Variants in SLC44A2 observed in about 807,000 individuals in gnomAD.
The protein encoded by SLC44A2 is solute carrier family 44 member 2 (CTL2 blood group), also known as choline transporter-like protein 2.
In SLC44A2, 57 loss-of-function variants were observed where a neutral mutation model predicts 90.8. The ratio of observed to expected loss-of-function variants is 0.63; its 90% CI spans 0.51 to 0.78. The LOEUF is 0.78. Ranked by LOEUF, SLC44A2 falls within the 30% of genes least tolerant of loss-of-function variation. The pLI is 0.00. For missense variants in SLC44A2, 794 were observed against 919.7 expected, an observed-to-expected ratio of 0.86 and a Z score of 1.77; for synonymous variants, 355 against 360.7, an observed-to-expected ratio of 0.98 and a Z score of 0.18.
intron 20 of SLC44A2, among the ~76,000 whole-genome samples, chr19:10,639,963 A>G (rs2067097751): frequency 2.0e-5 from 3 of 151,740 alleles, no homozygotes; most frequent in Non-Finnish European, 2.9e-5. Flanking sequence ...GCAGTATTGT[A>G]TCTCAGTGTA....
At chr19:10,633,085 G>T (rs2067014962) in intron 10 of SLC44A2, among the ~76,000 whole-genome samples, 3 of 152,152 alleles carry the variant, frequency 2.0e-5, no homozygotes, top group South Asian at 2.1e-4. Context: ...TTTAGTTCAG[G>T]CCTGTGGAAT....
chr19:10,602,545 G>A, exon 1 of SLC44A2: 2 of 1,281,082 alleles, frequency 1.6e-6, no homozygotes, highest in Non-Finnish European at 2.0e-6. Context: ...AGGACGAGCG[G>A]AAAAACGGAG....
intron 1 of SLC44A2, among the ~76,000 whole-genome samples, chr19:10,604,141 A>G (rs1599564133): frequency 6.6e-6 from 1 of 152,162 alleles, no homozygotes; most frequent in East Asian, 1.9e-4. Context: ...GAAATCCTTG[A>G]CCGCAGGGAG....
intron 16 of SLC44A2, 186 bp from the exon 17 acceptor site, chr19:10,637,458 C>T (rs1255171666): frequency 1.7e-6 from 1 of 599,662 alleles, no homozygotes; most frequent in Admixed American, 2.9e-5. Context: ...GTCACCCAGG[C>T]TGGAGTGCAG....
intron 1 of SLC44A2, among the ~76,000 whole-genome samples, chr19:10,605,476 T>C (rs890888736): frequency 2.6e-5 from 4 of 151,974 alleles, no homozygotes; most frequent in Non-Finnish European, 4.4e-5. Flanking sequence ...TTTGTGCCAC[T>C]GCACTCCAGC....
At chr19:10,643,013 G>A in intron 21 of SLC44A2, 1 of 1,557,078 alleles carries the variant, frequency 6.4e-7, no homozygotes, top group Non-Finnish European at 8.6e-7. Flanking sequence ...AGAAGCCGAG[G>A]AGTAGAGAGT....
intron 2 of SLC44A2, among the ~76,000 whole-genome samples, 200 bp from the exon 3 acceptor site, chr19:10,627,522 C>T (rs151011372): frequency 3.4e-4 from 52 of 152,130 alleles, no homozygotes; most frequent in Middle Eastern, 6.8e-3. Context: ...GCCTGGATGA[C>T]GGAGTGAGAC....
At chr19:10,605,164 C>G (rs747167036) in intron 1 of SLC44A2, among the ~76,000 whole-genome samples, 1 of 152,000 alleles carries the variant, frequency 6.6e-6, no homozygotes, top group South Asian at 2.1e-4. Flanking sequence ...TGGGGGATCA[C>G]GAGGTCAGGA....
chr19:10,636,345 C>A lies in SLC44A2; in HGVS notation c.1256C>A (p.Ser419Tyr). The A allele has an allele frequency of 6.2e-7, 1 of 1,613,534 alleles. No homozygotes were observed. The highest frequency in any genetic ancestry group is 8.5e-7 in the Non-Finnish European group (1 of 1,179,776). ...NPETFPSSNE[S>Y]RQCPNARCQF... ...CAGACCTTCCCCTCCTCCAATGAGT[C>A]CCGCCAATGCCCCAATGCCCGTTGC... The change falls in exon 15 of 22, where the codon TCC becomes TAC. Residue 419 changes from serine (S) to tyrosine (Y), a missense_variant. This residue lies in a region of SLC44A2 where 738 missense variants were observed against 841.1 expected (regional missense o/e 0.88). Coordinates refer to ENST00000335757, the MANE Select transcript of SLC44A2 (RefSeq NM_020428.4).
At chr19:10,627,198 A>G (rs1182657788) in intron 2 of SLC44A2, among the ~76,000 whole-genome samples, 1 of 150,352 alleles carries the variant, frequency 6.7e-6, no homozygotes, top group Non-Finnish European at 1.5e-5. Context: ...GCGGGCACCT[A>G]TAATCCCAGC....
Position 10,643,370 on chromosome 19 carries a change from G to A in SLC44A2, c.2106G>A (p.Lys702=), listed in dbSNP as rs1344127610. The change falls in exon 22 of 22, where the codon AAG becomes AAA. Residue 702 remains lysine, a synonymous_variant. Coordinates refer to ENST00000335757, the MANE Select transcript of SLC44A2 (RefSeq NM_020428.4). ...LKKLLNKTNK[K]AAES ...AACTCTTGAACAAGACCAACAAGAA[G>A]GCAGCGGAGTCCTGAAGGCCCCGTG... is the stretch of plus-strand genomic sequence containing the variant. 1.4e-5 allele frequency: 23 copies of A among 1,612,372 alleles called. No individual in the cohort carries two copies. The highest frequency in any genetic ancestry group is 1.9e-5 in the Non-Finnish European group (22 of 1,179,102).
At chr19:10,639,186 G>A (rs972414606) in intron 20 of SLC44A2, among the ~76,000 whole-genome samples, 5 of 152,104 alleles carry the variant, frequency 3.3e-5, no homozygotes, top group Non-Finnish European at 4.4e-5. Flanking sequence ...CGCCCGCCTC[G>A]GGCTCGCAGA....
At chr19:10,623,261 G>A (rs776694421), upstream of SLC44A2, among the ~76,000 whole-genome samples, 1 of 152,148 alleles carries the variant, frequency 6.6e-6, no homozygotes, top group Non-Finnish European at 1.5e-5. Flanking sequence ...TGTGGTCCAG[G>A]TGTTTAGACA....
chr19:10,636,840 G>A, intron 16 of SLC44A2, 84 bp downstream of exon 16: 1 of 1,391,360 alleles, frequency 7.2e-7, no homozygotes, highest in South Asian at 1.3e-5. Context: ...GCTTGGAGGT[G>A]GGCGGGGCCA....
At chr19:10,616,142 GAAAA>G (rs556628556) in intron 1 of SLC44A2, among the ~76,000 whole-genome samples, 4 of 98,936 alleles carry the variant, frequency 4.0e-5, no homozygotes, top group Admixed American at 3.1e-4. Context: ...TGTCTCCAAA[GAAAA>G]AAAAAAAAAA....
chr19:10,641,676 T>G (rs34457396), intron 20 of SLC44A2, among the ~76,000 whole-genome samples: 8,145 of 151,424 alleles, frequency 0.054, 313 homozygotes, highest in Admixed American at 0.13. Context: ...CAAAAACCCA[T>G]CTCTACAAAA....
intron 4 of SLC44A2, among the ~76,000 whole-genome samples, chr19:10,629,261 C>CTATTATTATTATTATTAT (rs6146468): frequency 0.079 from 11,324 of 144,254 alleles, 528 homozygotes; most frequent in African/African-American, 0.14. Flanking sequence ...AGTTTTTAAA[C>CTATTATTATTATTATTAT]TATTATTATT....
intron 1 of SLC44A2, among the ~76,000 whole-genome samples, chr19:10,605,693 A>C (rs1295493144): frequency 6.7e-6 from 1 of 149,096 alleles, no homozygotes; most frequent in Non-Finnish European, 1.5e-5. Flanking sequence ...TCTCAAAAAA[A>C]AAAAAGGACT....
chr19:10,613,020 A>G (rs1918351405), intron 1 of SLC44A2, among the ~76,000 whole-genome samples: 1 of 151,910 alleles, frequency 6.6e-6, no homozygotes, highest in Admixed American at 6.6e-5. Context: ...ACTAATGGTT[A>G]GTGGGGATTG....
Sources: allele counts gnomAD v4.1 joint callset (sites outside exome capture counted in the v4.1 genomes callset), GRCh38; gene constraint gnomAD v4.1.1; regional missense constraint gnomAD v4.1.1; transcripts MANE v1.5; gene names NCBI Gene and HGNC (gene_info 2026-07-23, HGNC 2026-07-21).